Variants in SYN2 observed in about 807,000 individuals in gnomAD.
The protein encoded by SYN2 is synapsin II, also known as synapsin-2.
A neutral mutation model predicts 50.9 loss-of-function variants in SYN2; 19 were observed. That is an observed-to-expected ratio of 0.37 (90% CI 0.26 to 0.55). The LOEUF is 0.55. SYN2 is among the 20% of genes least tolerant of loss of function. SYN2 has a pLI of 0.81. For missense variants in SYN2, 587 were observed against 576.4 expected (o/e 1.02, Z -0.19); for synonymous variants, 255 against 224.9 (o/e 1.13, Z -1.20).
chr3:12,046,342 A>G (rs1411912380), intron 1 of SYN2, among the ~76,000 whole-genome samples: 2 of 152,194 alleles, frequency 1.3e-5, no homozygotes, highest in Non-Finnish European at 2.9e-5. Context: ...GAGAAAGAAC[A>G]TGAAGCTTGT....
intron 1 of SYN2, among the ~76,000 whole-genome samples, chr3:12,053,978 CCTT>C (rs1486758008): frequency 6.6e-6 from 1 of 152,022 alleles, no homozygotes; most frequent in Non-Finnish European, 1.5e-5. Context: ...AAATGCGAAT[CCTT>C]TACTGGGAGG....
rs188043897 is a variant in SYN2 at position 12,054,956 on chromosome 3, T to G, written c.377+50028T>G. 1.7e-3 allele frequency among the ~76,000 whole-genome samples: 266 copies of G among 152,264 alleles called. 1 individual carries two copies. Among genetic ancestry groups the G allele is most frequent in the South Asian group, 8.9e-3 (43 of 4,820 alleles). ...GCTTTTGTTTTCTAGCATCCTTTAT[T>G]AGTGTTGATAAATTTAATATTGATT... On this transcript the variant is annotated intron_variant, in intron 1 of 12. Transcript: ENST00000621198.
At chr3:12,123,534 T>C (rs1280963818) in intron 1 of SYN2, among the ~76,000 whole-genome samples, 6 of 152,218 alleles carry the variant, frequency 3.9e-5, no homozygotes, top group African/African-American at 1.4e-4. Flanking sequence ...CTTGAGAGGC[T>C]GTGGCAGGAA....
rs757307588 is a variant in SYN2, at chr3:12,154,445, A to G, written c.774+3119A>G. 6.2e-6 allele frequency: 10 copies of G among 1,613,944 alleles called. No homozygotes were observed. In the East Asian group the frequency reaches 2.2e-4, roughly 36 times the overall value. ...GATGAAGACTTTTCCATCACTGAGGACCTGACCTTCAAGGGGAGATGGAGG... is the reference window on the plus strand; with the variant it reads ...GATGAAGACTTTTCCATCACTGAGGGCCTGACCTTCAAGGGGAGATGGAGG... On this transcript the variant is annotated intron_variant, in intron 5 of 12. Transcript: ENST00000621198.
chr3:12,033,685 G>T (rs1207082688), intron 1 of SYN2, among the ~76,000 whole-genome samples: 1 of 152,074 alleles, frequency 6.6e-6, no homozygotes. Flanking sequence ...CCCTTAAGCA[G>T]CCCCAGGCAA....
rs563958466 is a variant in SYN2 at position 12,081,751 on chromosome 3, G to C, written c.378-58900G>C. ...TTCCACCAATCCTCAGGTTTTCCCTGTGTTCATACTGCTTACTTGAATATC... is the reference window on the plus strand; with the variant it reads ...TTCCACCAATCCTCAGGTTTTCCCTCTGTTCATACTGCTTACTTGAATATC... On this transcript the variant is annotated intron_variant, in intron 1 of 12. Transcript: ENST00000621198. 3.9e-5 allele frequency among the ~76,000 whole-genome samples: 6 copies of C among 152,182 alleles called. No homozygotes were observed. In the East Asian group the frequency reaches 9.6e-4, roughly 24 times the overall value.
At chr3:12,077,935 C>A (rs929297743) in intron 1 of SYN2, among the ~76,000 whole-genome samples, 1 of 152,136 alleles carries the variant, frequency 6.6e-6, no homozygotes, top group African/African-American at 2.4e-5. Context: ...ACATTCTCAC[C>A]AACAGTGTAA....
chr3:12,082,246 A>C (rs554014130), intron 1 of SYN2, among the ~76,000 whole-genome samples: 1 of 152,212 alleles, frequency 6.6e-6, no homozygotes, highest in African/African-American at 2.4e-5. Flanking sequence ...GTCTACCAGG[A>C]AAGTTCATTA....
intron 1 of SYN2, among the ~76,000 whole-genome samples, chr3:12,027,905 G>T (rs1694295475): frequency 6.6e-6 from 1 of 151,422 alleles, no homozygotes; most frequent in Non-Finnish European, 1.5e-5. Context: ...TTAATCAGAA[G>T]AGTAACTTTC....
At chr3:12,167,190 G>C (rs771106893) in intron 7 of SYN2, 44 bp from the exon 8 acceptor site, 6 of 1,592,892 alleles carry the variant, frequency 3.8e-6, no homozygotes, top group Non-Finnish European at 1.7e-6. Context: ...CCTCTTGCTG[G>C]TGTGGCTCAC....
intron 1 of SYN2, among the ~76,000 whole-genome samples, chr3:12,105,610 A>C (rs2125192183): frequency 6.6e-6 from 1 of 151,772 alleles, no homozygotes; most frequent in Admixed American, 6.6e-5. Flanking sequence ...GAAGGAGAAC[A>C]TCAGAAACAA....
intron 5 of SYN2, among the ~76,000 whole-genome samples, chr3:12,157,183 C>G (rs183345852): frequency 6.6e-6 from 1 of 152,280 alleles, no homozygotes; most frequent in Non-Finnish European, 1.5e-5. Context: ...GCTGTGGGAC[C>G]AGATGGATGC....
intron 5 of SYN2, chr3:12,154,248 G>A: frequency 6.3e-7 from 1 of 1,590,034 alleles, no homozygotes; most frequent in Non-Finnish European, 8.6e-7. Context: ...AGTCTAGTAA[G>A]TGAATAAATT....
In SYN2 at chr3:12,167,269, C is replaced by G. The variant is rs775934145; in HGVS notation, c.1016C>G (p.Thr339Ser). Residue 339 changes from threonine (T) to serine (S), a missense_variant, in exon 8 of 13, where the codon ACT becomes AGT. Thr to Ser is a moderately conservative substitution (Grantham distance 58). Coordinates refer to ENST00000621198, the MANE Select transcript of SYN2 (RefSeq NM_133625.6). ...TSISGNWKTN[T>S]GSAMLEQIAM... ...ATCTCAGGGAACTGGAAGACGAACA[C>G]TGGCTCTGCGATGCTGGAGCAGATT... 118 of 1,613,042 alleles carry G rather than the reference C, an allele frequency of 7.3e-5. No homozygotes were observed. The highest frequency in any genetic ancestry group is 9.2e-5 in the Non-Finnish European group (109 of 1,179,706).
At chr3:12,171,683 G>A (rs1039302292) in intron 10 of SYN2, among the ~76,000 whole-genome samples, 1 of 152,188 alleles carries the variant, frequency 6.6e-6, no homozygotes, top group Admixed American at 6.5e-5. Flanking sequence ...CCTTGCCACT[G>A]CTTCACCAGG....
At chr3:12,118,589 A>G (rs1696485165) in intron 1 of SYN2, among the ~76,000 whole-genome samples, 3 of 152,164 alleles carry the variant, frequency 2.0e-5, no homozygotes, top group African/African-American at 7.2e-5. Context: ...TCCTTCATAG[A>G]CTTTGTCTGC....
chr3:12,150,116 G>A (rs1006400991), intron 4 of SYN2, among the ~76,000 whole-genome samples: 2 of 152,182 alleles, frequency 1.3e-5, no homozygotes, highest in African/African-American at 4.8e-5. Context: ...GTAGAGAACA[G>A]GACCTGAGCT....
chr3:12,165,933 G>T (rs1323471518), intron 7 of SYN2, among the ~76,000 whole-genome samples: 1 of 152,080 alleles, frequency 6.6e-6, no homozygotes, highest in Non-Finnish European at 1.5e-5. Flanking sequence ...TACCTGTTTG[G>T]ACTAGATATA....
chr3:12,121,458 A>G (rs990535375), intron 1 of SYN2, among the ~76,000 whole-genome samples: 3 of 152,178 alleles, frequency 2.0e-5, no homozygotes, highest in East Asian at 1.9e-4. Flanking sequence ...CCACTAGACT[A>G]CAGACTCTGT....
Sources: gnomAD v4.1 joint callset for allele counts (sites outside exome capture counted in the v4.1 genomes callset) on GRCh38, gnomAD v4.1.1 for gene constraint, MANE v1.5 for transcripts, NCBI Gene and HGNC (gene_info 2026-07-23, HGNC 2026-07-21) for gene names.